PCNT: variants seen among roughly 807,000 people sequenced by gnomAD.
PCNT encodes the protein pericentrin.
In PCNT, 319 loss-of-function variants were observed where a neutral mutation model predicts 380.4. The ratio of observed to expected loss-of-function variants is 0.84; its 90% CI spans 0.77 to 0.92. The LOEUF is 0.92. Ranked by LOEUF, PCNT falls within the 40% of genes least tolerant of loss-of-function variation. PCNT has a pLI of 0.00. For missense variants in PCNT, 4,400 were observed against 4,255.3 expected, an observed-to-expected ratio of 1.03 and a Z score of -0.95; for synonymous variants, 1,845 against 1,735.2, an observed-to-expected ratio of 1.06 and a Z score of -1.57.
chr21:46,430,354 C>T lies in PCNT; in HGVS notation c.7913+122C>T, dbSNP rs532876867. 2.5e-5 allele frequency: 34 copies of T among 1,367,800 alleles called. 1 individual carries two copies. The highest frequency in any genetic ancestry group is 5.0e-4 in the Middle Eastern group (2 of 4,028). 84.7% of individuals were successfully genotyped at this position (1,367,800 alleles called of 1,614,324 possible). The stretch of plus-strand genomic sequence containing the variant: ...CAGTTGGGCAGCCCCAGGGGCACCG[C>T]GCCCTGCTGTCCCTGGGTTGATAAT... On this transcript the variant is annotated intron_variant, in intron 36 of 46. Coordinates refer to ENST00000359568, the MANE Select transcript of PCNT (RefSeq NM_006031.6).
At chr21:46,399,275 G>GTC (rs1294249262) in intron 24 of PCNT, among the ~76,000 whole-genome samples, 7 of 115,332 alleles carry the variant, frequency 6.1e-5, no homozygotes, top group Non-Finnish European at 5.7e-5. Flanking sequence ...GTGGGTCTGG[G>GTC]TCTCTGTTCA....
Position 46,440,237 on chromosome 21 carries a change from C to CT in PCNT, c.9393+41dup, listed in dbSNP as rs35782350. The stretch of plus-strand genomic sequence containing the variant: ...GTGCCACGAGTATAGAACTTTGGTG[C>CT]TTTTTTAAGTCCTGGGTTTGCAAAT... On this transcript the variant is annotated intron_variant, in intron 42 of 46. Transcript: ENST00000359568. 6.3e-5 allele frequency: 101 copies of CT among 1,611,470 alleles called. 1 individual carries two copies. The South Asian group carries it at 1.1e-3, about 17-fold the overall frequency.
At chr21:46,371,499 C>G (rs970638624) in intron 15 of PCNT, among the ~76,000 whole-genome samples, 4 of 152,156 alleles carry the variant, frequency 2.6e-5, no homozygotes, top group African/African-American at 7.2e-5. Flanking sequence ...AGTGTAGTTA[C>G]TTACTTTTTC....
At chr21:46,380,450 G>A (rs972144445) in intron 15 of PCNT, among the ~76,000 whole-genome samples, 2 of 151,878 alleles carry the variant, frequency 1.3e-5, no homozygotes, top group African/African-American at 2.4e-5. Flanking sequence ...GTGAGCCACC[G>A]CGCCCGGCCA....
intron 16 of PCNT, 127 bp downstream of exon 16, chr21:46,381,967 A>T: frequency 2.1e-6 from 2 of 944,072 alleles, no homozygotes; most frequent in Non-Finnish European, 3.2e-6. Context: ...AGTGTTGTAC[A>T]TTCAGTGGCG....
intron 3 of PCNT, among the ~76,000 whole-genome samples, chr21:46,340,642 C>T (rs1197607989): frequency 6.6e-6 from 1 of 152,110 alleles, no homozygotes; most frequent in African/African-American, 2.4e-5. Flanking sequence ...TCCACTTTGG[C>T]CTGGTATTTG....
intron 11 of PCNT, among the ~76,000 whole-genome samples, chr21:46,354,302 A>T (rs180781653): frequency 5.3e-5 from 8 of 152,328 alleles, no homozygotes; most frequent in Admixed American, 1.3e-4. Context: ...CAGCCCTGGG[A>T]TGCCCTGGCT....
intron 37 of PCNT, 63 bp downstream of exon 37, chr21:46,430,720 G>T (rs1389065684): frequency 6.5e-7 from 1 of 1,546,330 alleles, no homozygotes; most frequent in Non-Finnish European, 8.7e-7. Context: ...CTGAAGCCAT[G>T]CTCCTCTTTC....
chr21:46,386,310 C>G (rs993940284), intron 17 of PCNT, among the ~76,000 whole-genome samples: 4 of 152,248 alleles, frequency 2.6e-5, no homozygotes, highest in African/African-American at 9.6e-5. Context: ...GTCTGCGTCC[C>G]CGCAGCGTGT....
Position 46,353,112 on chromosome 21 carries a change from G to A in PCNT, c.1465G>A (p.Glu489Lys). 6.2e-7 allele frequency: 1 copy of A among 1,613,746 alleles called. No homozygotes were observed. The highest frequency in any genetic ancestry group is 8.5e-7 in the Non-Finnish European group (1 of 1,179,842). ...TSRQELSELH[E>K]QLLARTSRVE... ...ACTCCGTTATGTTGCAGAGCTACAT[G>A]AGCAACTCCTGGCGCGCACCTCTCG... The change falls in exon 10 of 47, where the codon GAG (glutamate) becomes AAG (lysine). Residue 489 changes from glutamate to lysine, a missense_variant. Coordinates refer to ENST00000359568, the MANE Select transcript of PCNT (RefSeq NM_006031.6).
chr21:46,349,158 G>A lies in PCNT; in HGVS notation c.1179G>A (p.Lys393=), dbSNP rs775846216. 1.7e-5 allele frequency: 27 copies of A among 1,613,934 alleles called. No individual in the cohort carries two copies. The highest frequency in any genetic ancestry group is 2.2e-5 in the Non-Finnish European group (26 of 1,179,938). ...CAGAACAGAGAGCTGAGTTGGAGAA[G>A]ATTTTTCAAGACAAAAACCAGGCTG... is the stretch of plus-strand genomic sequence containing the variant. The part of the protein sequence containing the change: ...ELAEQRAELE[K]IFQDKNQAER... Residue 393 remains lysine (K), a synonymous_variant, in exon 7 of 47, where the codon AAG becomes AAA. Transcript: ENST00000359568.
rs565687363 is a variant in PCNT, at chr21:46,428,514, G to A, written c.7614G>A (p.Lys2538=). ...TGACGCACCTGCAGAACCAGGAGAA[G>A]CTGCAGCACTTGCGCACGGCGCTGA... ...LRMTHLQNQE[K]LQHLRTALTS... is the part of the protein sequence containing the mutation. Residue 2538 remains lysine (K), a synonymous_variant, in exon 35 of 47, where the codon AAG becomes AAA. Coordinates refer to ENST00000359568, the MANE Select transcript of PCNT (RefSeq NM_006031.6). 2 of 1,611,738 alleles carry A rather than the reference G, an allele frequency of 1.2e-6. No homozygotes were observed. The highest frequency in any genetic ancestry group is 1.7e-6 in the Non-Finnish European group (2 of 1,179,758).
chr21:46,411,454 C>T lies in PCNT; in HGVS notation c.5381C>T (p.Ala1794Val). 6.2e-7 allele frequency: 1 copy of T among 1,611,074 alleles called. No homozygotes were observed. Among genetic ancestry groups the T allele is most frequent in the Non-Finnish European group, 8.5e-7 (1 of 1,179,312 alleles). The change falls in exon 28 of 47, where the codon GCT (alanine) becomes GTT (valine). Residue 1794 changes from alanine (A) to valine (V), a missense_variant. Ala to Val is a moderately conservative substitution (Grantham distance 64, BLOSUM62 0). Transcript: ENST00000359568. ...RGQALQGELE[A>V]ALEAKEALSR... is the part of the protein sequence containing the mutation. ...CAGGCCCTACAGGGCGAGCTCGAGGCTGCGCTGGAAGCCAAGGAGGCCCTG... is the reference window on the plus strand; with the variant it reads ...CAGGCCCTACAGGGCGAGCTCGAGGTTGCGCTGGAAGCCAAGGAGGCCCTG...
At chr21:46,325,342 C>T (rs1368910369) in intron 1 of PCNT, 3 of 366,416 alleles carry the variant, frequency 8.2e-6, no homozygotes, top group Non-Finnish European at 1.1e-5. Context: ...AAGGGGAGCC[C>T]GGAGCCTGCA....
Position 46,445,055 on chromosome 21 carries a change from C to CT in PCNT, c.9968-223dup, listed in dbSNP as rs147675714. ...CAGTTTGACTTAATCACCGTCTGGACTTTTTTGTCCTTTCTCTTACATTGA... is the reference window on the plus strand; with the variant it reads ...CAGTTTGACTTAATCACCGTCTGGACTTTTTTTGTCCTTTCTCTTACATTGA... On this transcript the variant is annotated intron_variant, in intron 46 of 46. Coordinates refer to ENST00000359568, the MANE Select transcript of PCNT (RefSeq NM_006031.6). Among the ~76,000 whole-genome samples, 22,464 of 152,190 alleles carry CT rather than the reference C, an allele frequency of 0.15. 1,841 individuals are homozygous for CT. The highest frequency in any genetic ancestry group is 0.17 in the Non-Finnish European group (11,398 of 68,002).
At chr21:46,351,646 A>C (rs960181907) in intron 9 of PCNT, 106 bp downstream of exon 9, 5 of 787,566 alleles carry the variant, frequency 6.3e-6, no homozygotes, top group Admixed American at 3.9e-5. Context: ...AACACAAAAA[A>C]GTGGATTTAC....
At chr21:46,443,051 T>C (rs1478615867) in intron 44 of PCNT, 1 of 208,832 alleles carries the variant, frequency 4.8e-6, no homozygotes, top group Non-Finnish European at 9.8e-6. Flanking sequence ...CCAGGGGCTC[T>C]TGTCCCAGAG....
chr21:46,410,257 G>A (rs973064838), intron 27 of PCNT, among the ~76,000 whole-genome samples: 9 of 152,214 alleles, frequency 5.9e-5, no homozygotes, highest in Admixed American at 3.3e-4. Context: ...TGTTGACAGC[G>A]TCCAAACCAA....
At chr21:46,356,647 A>G (rs2084489664) in intron 12 of PCNT, among the ~76,000 whole-genome samples, 1 of 152,162 alleles carries the variant, frequency 6.6e-6, no homozygotes, top group African/African-American at 2.4e-5. Context: ...CACAGGCATG[A>G]GGCTCACTCA....
Sources: gnomAD v4.1 joint callset for allele counts (sites outside exome capture counted in the v4.1 genomes callset) on GRCh38, gnomAD v4.1.1 for gene constraint, MANE v1.5 for transcripts, NCBI Gene and HGNC (gene_info 2026-07-23, HGNC 2026-07-21) for gene names.